Variants in CFAP69 observed in about 807,000 individuals in gnomAD.
CFAP69 encodes the protein cilia and flagella associated protein 69.
In CFAP69, 92 loss-of-function variants were observed where a neutral mutation model predicts 123.0. The ratio of observed to expected loss-of-function variants is 0.75; its 90% confidence interval spans 0.63 to 0.89. The LOEUF is 0.89. Among genes scored for constraint, CFAP69 ranks in the 40% least tolerant of loss-of-function variants. CFAP69 has a pLI of 0.00. For missense variants in CFAP69, 1,067 were observed against 1,096.9 expected, an observed-to-expected ratio of 0.97 and a Z score of 0.39; for synonymous variants, 380 against 364.3, an observed-to-expected ratio of 1.04 and a Z score of -0.49.
intron 12 of CFAP69, among the ~76,000 whole-genome samples, chr7:90,282,530 G>A (rs1424992485): frequency 6.6e-6 from 1 of 152,082 alleles, no homozygotes; most frequent in Non-Finnish European, 1.5e-5. Context: ...ACAGTTTATA[G>A]TAGTGAATGG....
At chr7:90,245,617 G>A in intron 1 of CFAP69, 73 bp downstream of exon 1, 1 of 1,420,298 alleles carries the variant, frequency 7.0e-7, no homozygotes, top group South Asian at 1.7e-5. Flanking sequence ...TCCAGACCTG[G>A]GGGTGGCAAG....
intron 3 of CFAP69, among the ~76,000 whole-genome samples, chr7:90,260,427 G>T (rs943585413): frequency 1.3e-5 from 2 of 152,106 alleles, no homozygotes; most frequent in Admixed American, 1.3e-4. Flanking sequence ...GGCTGAGGCT[G>T]AGGTGGAAGG....
chr7:90,279,807 C>T lies in CFAP69; in HGVS notation c.1286C>T (p.Ser429Leu). 1.9e-6 allele frequency: 3 copies of T among 1,612,590 alleles called. No homozygotes were observed. The highest frequency in any genetic ancestry group is 2.5e-6 in the Non-Finnish European group (3 of 1,179,474). Residue 429 changes from serine to leucine, a missense_variant, in exon 12 of 23, where the codon TCA becomes TTA. Physicochemically the swap from Ser to Leu is moderately radical, Grantham distance 145. Transcript: ENST00000389297. ...LQLHAIATLS[S>L]VAPLLIEEYM... ...CTGCATGCAATTGCCACTTTGTCAT[C>T]AGTGGCTCCTTTATTAATAGAAGAA...
intron 22 of CFAP69, 41 bp downstream of exon 22, chr7:90,309,408 A>G: frequency 1.7e-6 from 2 of 1,159,654 alleles, no homozygotes; most frequent in Non-Finnish European, 2.5e-6. Context: ...ATAGACATTA[A>G]ATTTAGAGTG....
intron 15 of CFAP69, 91 bp downstream of exon 15, chr7:90,288,443 A>G: frequency 1.4e-6 from 2 of 1,426,142 alleles, no homozygotes; most frequent in East Asian, 2.3e-5. Context: ...ATGTTTCCTT[A>G]GGCAATTTCA....
rs1792550885 is a variant in CFAP69 at position 90,300,015 on chromosome 7, A to G, written c.2006A>G (p.Glu669Gly). 2 of 1,608,112 alleles carry G rather than the reference A, an allele frequency of 1.2e-6. No individual in the cohort carries two copies. Among genetic ancestry groups the G allele is most frequent in the Non-Finnish European group, 1.7e-6 (2 of 1,177,616 alleles). The change falls in exon 17 of 23, where the codon GAA becomes GGA. Residue 669 changes from glutamate (E) to glycine (G), a missense_variant. Physicochemically the swap from Glu to Gly is moderately conservative, Grantham distance 98. Coordinates refer to ENST00000389297, the MANE Select transcript of CFAP69 (RefSeq NM_001039706.3). ...SLLIKLWRKE[E>G]KELGVKRDKN... Reference sequence around the variant, plus strand: ...TTAATTAAATTGTGGAGAAAGGAGGAAAAAGAACTAGGAGTAAAACGTGAT... The same window carrying G: ...TTAATTAAATTGTGGAGAAAGGAGGGAAAAGAACTAGGAGTAAAACGTGAT...
downstream of CFAP69, among the ~76,000 whole-genome samples, chr7:90,312,015 C>A (rs1171957502): frequency 9.2e-5 from 14 of 152,164 alleles, no homozygotes; most frequent in Non-Finnish European, 2.1e-4. Context: ...TGTGAAGTGT[C>A]CATGGCTAAC....
intron 6 of CFAP69, among the ~76,000 whole-genome samples, chr7:90,270,814 T>C (rs1799837224): frequency 6.6e-6 from 1 of 152,120 alleles, no homozygotes; most frequent in South Asian, 2.1e-4. Flanking sequence ...TGTAATTAGG[T>C]ATACCTGCAT....
chr7:90,319,484 C>T, the CFAP69 span: 1 of 398,594 alleles, frequency 2.5e-6, no homozygotes, highest in Non-Finnish European at 4.4e-6. Context: ...TTTAAGAAGA[C>T]ATTATAATGT....
chr7:90,315,952 G>A (rs1794773907), downstream of CFAP69, among the ~76,000 whole-genome samples: 1 of 152,056 alleles, frequency 6.6e-6, no homozygotes, highest in Admixed American at 6.5e-5. Context: ...AAATTAGCTG[G>A]GCATGGTGGC....
At chr7:90,303,159 A>C (rs1055749886) in intron 17 of CFAP69, 17 of 152,132 alleles carry the variant, frequency 1.1e-4, no homozygotes, top group African/African-American at 3.9e-4. Flanking sequence ...ACTTTTGTAC[A>C]TTGATTTCGT....
At chr7:90,265,761 C>G (rs1252687516) in intron 5 of CFAP69, among the ~76,000 whole-genome samples, 1 of 152,102 alleles carries the variant, frequency 6.6e-6, no homozygotes, top group East Asian at 1.9e-4. Flanking sequence ...TAGAATTATT[C>G]ATTAAATGAT....
chr7:90,245,600 G>A (rs1308396316), intron 1 of CFAP69, 56 bp downstream of exon 1: 1 of 1,432,332 alleles, frequency 7.0e-7, no homozygotes, highest in East Asian at 2.8e-5. Flanking sequence ...GAAGTCTCGA[G>A]ACGGGGTCCA....
At position 90,307,078 on chromosome 7, in the gene CFAP69, G is replaced by A. The variant is rs866009113; in HGVS notation, c.2443G>A (p.Glu815Lys). The A allele has an allele frequency of 1.7e-5, 27 of 1,610,062 alleles. No individual in the cohort carries two copies. Among genetic ancestry groups the A allele is most frequent in the Non-Finnish European group, 2.3e-5 (27 of 1,178,956 alleles). ...CCAAGCATGCCAAGACATGCAAAATGAACAAAAAGTATATGCAAAAGTAAG... is the reference window on the plus strand; with the variant it reads ...CCAAGCATGCCAAGACATGCAAAATAAACAAAAAGTATATGCAAAAGTAAG... ...ESQACQDMQN[E>K]QKVYAKIQAT... Residue 815 changes from glutamate (E) to lysine (K), a missense_variant, in exon 20 of 23, where the codon GAA becomes AAA. Physicochemically the swap from Glu to Lys is moderately conservative, Grantham distance 56 (BLOSUM62 1). Coordinates refer to ENST00000389297, the MANE Select transcript of CFAP69 (RefSeq NM_001039706.3).
intron 1 of CFAP69, among the ~76,000 whole-genome samples, chr7:90,248,413 A>T (rs758226668): frequency 1.3e-5 from 2 of 152,218 alleles, no homozygotes; most frequent in African/African-American, 4.8e-5. Context: ...TTTTTCCTGC[A>T]TCTTTCACAA....
At chr7:90,268,209 T>A in intron 5 of CFAP69, 77 bp from the exon 6 acceptor site, 3 of 845,752 alleles carry the variant, frequency 3.5e-6, no homozygotes, top group Non-Finnish European at 5.6e-6. Context: ...CATCATATTA[T>A]TAACATTTTA....
intron 11 of CFAP69, 62 bp downstream of exon 11, chr7:90,277,396 T>C: frequency 7.8e-7 from 1 of 1,286,926 alleles, no homozygotes. Context: ...TATAACTATT[T>C]TAAAGTCTTG....
At position 90,307,715 on chromosome 7, in the gene CFAP69, A is replaced by G; in HGVS notation, c.2464-53A>G. 3 of 667,038 alleles carry G rather than the reference A, an allele frequency of 4.5e-6. No individual in the cohort carries two copies. In the South Asian group the frequency reaches 8.5e-5, roughly 19 times the overall value. 41.3% of individuals were successfully genotyped at this position (667,038 alleles called of 1,614,324 possible). On this transcript the variant is annotated intron_variant, in intron 20 of 22. Transcript: ENST00000389297. ...GGTGACAGAGTGAGGTTCTGTCTCA[A>G]AAAAAAAAAAGAAAAAAAAGAAACT...
downstream of CFAP69, among the ~76,000 whole-genome samples, chr7:90,314,871 C>A (rs967386881): frequency 1.3e-5 from 2 of 151,570 alleles, no homozygotes; most frequent in Admixed American, 6.6e-5. Context: ...CGCTCCCCCC[C>A]CTGCTTTAAA....
Sources: gnomAD v4.1 joint callset for allele counts (sites outside exome capture counted in the v4.1 genomes callset) on GRCh38, gnomAD v4.1.1 for gene constraint, MANE v1.5 for transcripts, NCBI Gene and HGNC (gene_info 2026-07-23, HGNC 2026-07-21) for gene names.